The following SV2C variants were observed in gnomAD, a reference collection of about 807,000 sequenced individuals.
The protein encoded by SV2C is solute carrier family 22 member B3.
Under a neutral mutation model 79.7 loss-of-function variants are expected in SV2C, and 49 were observed. That is an observed-to-expected ratio of 0.61 (90% CI 0.49 to 0.78). The LOEUF (loss-of-function observed/expected upper bound fraction) is 0.78, where lower values mean the gene tolerates loss of function less well. SV2C is among the 30% of genes least tolerant of loss of function. The probability of loss-of-function intolerance (pLI) is 0.00; values close to 1 mark genes in which losing one functional copy is unlikely to be tolerated. For synonymous variants in SV2C, 334 were observed against 333.2 expected (o/e 1.00, Z -0.03); for missense variants, 833 against 912.9 (o/e 0.91, Z 1.13).
At chr5:76,233,062 T>C (rs1337315085) in intron 4 of SV2C, among the ~76,000 whole-genome samples, 7 of 141,870 alleles carry the variant, frequency 4.9e-5, no homozygotes, top group Non-Finnish European at 8.8e-5. Context: ...TGATTCTTCC[T>C]ACCCATGAGC....
At chr5:76,084,682 C>G (rs1747115845) in intron 1 of SV2C, among the ~76,000 whole-genome samples, 1 of 83,276 alleles carries the variant, frequency 1.2e-5, no homozygotes, top group Non-Finnish European at 2.2e-5. Context: ...AATGCAGACC[C>G]GCGAGGGGCG....
At chr5:75,971,603 GA>G in the SV2C span, among the ~76,000 whole-genome samples, 1 of 152,040 alleles carries the variant, frequency 6.6e-6, no homozygotes, top group Non-Finnish European at 1.5e-5. Flanking sequence ...ACATACCTAG[GA>G]ATCTAACTTA....
chr5:75,864,268 A>G, the SV2C span, among the ~76,000 whole-genome samples: 1 of 152,110 alleles, frequency 6.6e-6, no homozygotes, highest in South Asian at 2.1e-4. Flanking sequence ...ATATTTTAAA[A>G]TAAGTTCTAT....
intron 2 of SV2C, among the ~76,000 whole-genome samples, chr5:76,165,349 C>T (rs918362561): frequency 1.3e-5 from 2 of 152,122 alleles, no homozygotes; most frequent in Non-Finnish European, 2.9e-5. Context: ...TTTACATCCA[C>T]TGTTGTTTCT....
intron 1 of SV2C, among the ~76,000 whole-genome samples, chr5:76,129,896 C>T (rs1748823508): frequency 6.6e-6 from 1 of 152,064 alleles, no homozygotes; most frequent in Non-Finnish European, 1.5e-5. Flanking sequence ...CTGATGTGGT[C>T]ATCCGTTCAA....
chr5:76,346,638 T>A (rs1326235129), intron 12 of SV2C, among the ~76,000 whole-genome samples: 13 of 152,268 alleles, frequency 8.5e-5, no homozygotes, highest in Non-Finnish European at 1.5e-5. Flanking sequence ...AAGAGATTAA[T>A]GCATGTATAT....
At chr5:75,878,212 A>C in the SV2C span, among the ~76,000 whole-genome samples, 2 of 152,194 alleles carry the variant, frequency 1.3e-5, no homozygotes, top group Admixed American at 1.3e-4. Flanking sequence ...TATGAATACC[A>C]ATATCTAAGT....
chr5:76,066,062 T>C, the SV2C span, among the ~76,000 whole-genome samples: 1 of 152,128 alleles, frequency 6.6e-6, no homozygotes, highest in Non-Finnish European at 1.5e-5. Context: ...GATCTAGAAC[T>C]AGAAATACCA....
At chr5:76,118,970 G>T (rs551288068) in intron 1 of SV2C, among the ~76,000 whole-genome samples, 106 of 152,264 alleles carry the variant, frequency 7.0e-4, no homozygotes, top group South Asian at 2.1e-3. Flanking sequence ...GCAACAAAGC[G>T]AGACCCTGTC....
chr5:76,112,417 A>G (rs1561220260), intron 1 of SV2C, among the ~76,000 whole-genome samples: 1 of 152,336 alleles, frequency 6.6e-6, no homozygotes, highest in Middle Eastern at 3.4e-3. Flanking sequence ...GGCTGGAAGC[A>G]GGAAGTGTTT....
chr5:76,005,901 A>G, the SV2C span, among the ~76,000 whole-genome samples: 3 of 152,226 alleles, frequency 2.0e-5, no homozygotes, highest in East Asian at 5.8e-4. Flanking sequence ...TCCAAGATTA[A>G]TCCCATTGAT....
chr5:76,133,953 TA>T (rs1392469346), intron 2 of SV2C, among the ~76,000 whole-genome samples: 6 of 152,114 alleles, frequency 3.9e-5, no homozygotes, highest in African/African-American at 1.4e-4. Context: ...AAATTTAGAA[TA>T]AAAAATATTT....
intron 4 of SV2C, among the ~76,000 whole-genome samples, chr5:76,236,177 A>G (rs1441781786): frequency 6.6e-6 from 1 of 152,236 alleles, no homozygotes; most frequent in Non-Finnish European, 1.5e-5. Context: ...CTGTGGCACA[A>G]TGGATAGCAC....
chr5:76,027,911 T>C, the SV2C span, among the ~76,000 whole-genome samples: 1 of 152,228 alleles, frequency 6.6e-6, no homozygotes, highest in Non-Finnish European at 1.5e-5. Context: ...TGAGTACTAT[T>C]ACCTCTAATT....
chr5:75,863,309 C>T, the SV2C span, among the ~76,000 whole-genome samples: 1 of 152,070 alleles, frequency 6.6e-6, no homozygotes, highest in Admixed American at 6.6e-5. Context: ...CAAAAAACCA[C>T]CTGTTCCCCA....
the SV2C span, among the ~76,000 whole-genome samples, chr5:75,880,531 A>G: frequency 6.6e-6 from 1 of 152,206 alleles, no homozygotes; most frequent in African/African-American, 2.4e-5. Context: ...AATGCAGCCA[A>G]GTTCTTTGCT....
At chr5:75,854,181 A>G in the SV2C span, among the ~76,000 whole-genome samples, 1 of 152,116 alleles carries the variant, frequency 6.6e-6, no homozygotes, top group Non-Finnish European at 1.5e-5. Context: ...TTTGAGATTC[A>G]TAGACATTTT....
the SV2C span, among the ~76,000 whole-genome samples, chr5:75,926,006 A>G: frequency 8.9e-4 from 136 of 152,064 alleles, no homozygotes; most frequent in Non-Finnish European, 1.7e-3. Flanking sequence ...GAACATTGAA[A>G]CACTAACATC....
chr5:75,953,439 G>A, the SV2C span, among the ~76,000 whole-genome samples: 1 of 151,920 alleles, frequency 6.6e-6, no homozygotes, highest in Admixed American at 6.6e-5. Flanking sequence ...CATAAAACCT[G>A]TTTCTTTCAT....
Sources: allele counts gnomAD v4.1 joint callset (sites outside exome capture counted in the v4.1 genomes callset), GRCh38; gene constraint gnomAD v4.1.1; transcripts MANE v1.5; gene names NCBI Gene and HGNC (gene_info 2026-07-23, HGNC 2026-07-21).